Variants in RNASEH2B observed in about 807,000 individuals in gnomAD.
RNASEH2B encodes ribonuclease H2 subunit B, also known as Aicardi-Goutieres syndrome 2 protein.
RNASEH2B carries 36 observed loss-of-function variants against 45.0 expected under a neutral mutation model. The ratio of observed to expected loss-of-function variants is 0.80; its 90% CI spans 0.61 to 1.06. The LOEUF (loss-of-function observed/expected upper bound fraction) is 1.06, where lower values mean the gene tolerates loss of function less well. Ranked by LOEUF, RNASEH2B falls within the 50% of genes least tolerant of loss-of-function variation. The pLI, the probability that RNASEH2B is intolerant of heterozygous loss-of-function variation, is 0.00. For synonymous variants in RNASEH2B, 119 were observed against 125.7 expected (o/e 0.95, Z 0.35); for missense variants, 361 against 360.3 (o/e 1.00, Z -0.02).
At chr13:50,954,972 T>C (rs1234744316) in intron 10 of RNASEH2B, 1 of 152,226 alleles carries the variant, frequency 6.6e-6, no homozygotes, top group African/African-American at 2.4e-5. Context: ...TTCCTGTCGC[T>C]TGCCTGTTTT....
chr13:50,931,555 TAACTAGA>T (rs1318239994), intron 4 of RNASEH2B, among the ~76,000 whole-genome samples: 1 of 152,250 alleles, frequency 6.6e-6, no homozygotes, highest in Non-Finnish European at 1.5e-5. Context: ...GTGTTTGGCT[TAACTAGA>T]AGACAACTGG....
At chr13:50,917,260 C>T (rs540290621) in intron 1 of RNASEH2B, among the ~76,000 whole-genome samples, 2 of 152,210 alleles carry the variant, frequency 1.3e-5, no homozygotes, top group African/African-American at 4.8e-5. Flanking sequence ...AGCAGAGGAA[C>T]TAGCTACCAC....
At chr13:50,916,740 G>A (rs1879766562) in intron 1 of RNASEH2B, among the ~76,000 whole-genome samples, 1 of 152,216 alleles carries the variant, frequency 6.6e-6, no homozygotes, top group South Asian at 2.1e-4. Context: ...AATAGCCTGT[G>A]AGTCTGCCTT....
intron 6 of RNASEH2B, among the ~76,000 whole-genome samples, chr13:50,944,064 C>T (rs370292126): frequency 3.5e-4 from 42 of 121,296 alleles, no homozygotes; most frequent in Non-Finnish European, 4.8e-4. Flanking sequence ...TGGGATGGGA[C>T]GGGATGGGAT....
chr13:50,910,322 A>C, intron 1 of RNASEH2B, 182 bp downstream of exon 1: 3 of 417,754 alleles, frequency 7.2e-6, no homozygotes, highest in East Asian at 7.7e-5. Context: ...CGGTTTTCAA[A>C]CCCGGAAGCG....
exon 10 of RNASEH2B, chr13:50,970,137 T>C (rs1273374663): frequency 1.4e-6 from 1 of 691,608 alleles, no homozygotes. Context: ...CTAGTCTATG[T>C]GGGCAGCGGC....
At chr13:50,949,341 A>C in intron 8 of RNASEH2B, 122 bp from the exon 9 acceptor site, 4 of 795,860 alleles carry the variant, frequency 5.0e-6, no homozygotes, top group Non-Finnish European at 8.9e-6. Context: ...GAACAGGAAG[A>C]TATATGGAGG....
intron 1 of RNASEH2B, chr13:50,921,321 A>C (rs1010021495): frequency 6.6e-6 from 1 of 152,192 alleles, no homozygotes; most frequent in Non-Finnish European, 1.5e-5. Flanking sequence ...AGAAATAGAC[A>C]TAAGTTAAAA....
chr13:50,919,288 T>C (rs1474586347), intron 1 of RNASEH2B, among the ~76,000 whole-genome samples: 1 of 152,254 alleles, frequency 6.6e-6, no homozygotes, highest in African/African-American at 2.4e-5. Flanking sequence ...TGTACCATTT[T>C]GGCTTGTACA....
intron 1 of RNASEH2B, among the ~76,000 whole-genome samples, chr13:50,923,267 A>G (rs1398755822): frequency 1.3e-5 from 2 of 152,188 alleles, no homozygotes; most frequent in Non-Finnish European, 2.9e-5. Context: ...ATATTTGAAG[A>G]AATAATAGCC....
intron 5 of RNASEH2B, among the ~76,000 whole-genome samples, chr13:50,940,441 A>T (rs1951820205): frequency 6.6e-6 from 1 of 152,240 alleles, no homozygotes; most frequent in Admixed American, 6.5e-5. Flanking sequence ...CTGATCCAGC[A>T]CTAGAAGCTA....
intron 4 of RNASEH2B, chr13:50,934,634 C>T: frequency 2.0e-6 from 1 of 508,204 alleles, no homozygotes; most frequent in South Asian, 2.1e-5. Flanking sequence ...ATTTTCTTCC[C>T]CATTTCATTT....
intron 9 of RNASEH2B, among the ~76,000 whole-genome samples, chr13:50,969,581 G>T (rs927256361): frequency 6.7e-6 from 1 of 149,524 alleles, no homozygotes; most frequent in East Asian, 1.9e-4. Context: ...CGTTACTTTC[G>T]TGCATTTCTT....
exon 10 of RNASEH2B, chr13:50,970,433 GTT>G (rs1480492381): frequency 4.4e-6 from 1 of 225,296 alleles, no homozygotes; most frequent in Admixed American, 5.8e-5. Flanking sequence ...CTCTCCAGGA[GTT>G]ATTAAACATT....
downstream of RNASEH2B, among the ~76,000 whole-genome samples, chr13:50,958,494 C>G (rs973223932): frequency 2.0e-5 from 3 of 152,056 alleles, no homozygotes; most frequent in Non-Finnish European, 4.4e-5. Context: ...ATTACTGTAG[C>G]CTTGTAGTAT....
At chr13:50,928,002 T>A (rs910154361) in intron 2 of RNASEH2B, among the ~76,000 whole-genome samples, 1 of 151,920 alleles carries the variant, frequency 6.6e-6, no homozygotes, top group African/African-American at 2.4e-5. Context: ...TTTTTTTTTT[T>A]AAATGATAAG....
At chr13:50,929,103 G>A (rs947874454) in intron 2 of RNASEH2B, among the ~76,000 whole-genome samples, 5 of 152,174 alleles carry the variant, frequency 3.3e-5, no homozygotes, top group Admixed American at 1.3e-4. Flanking sequence ...GCCACACACT[G>A]CCCAGAGGCA....
Position 50,929,522 on chromosome 13 carries a change from G to A in RNASEH2B, c.184G>A (p.Glu62Lys), listed in dbSNP as rs2137933016. Residue 62 changes from glutamate (E) to lysine (K), a missense_variant, in exon 3 of 11, where the codon GAA (glutamate) becomes AAA (lysine). Glu to Lys is a moderately conservative substitution (Grantham distance 56). Coordinates refer to ENST00000336617, the MANE Select transcript of RNASEH2B (RefSeq NM_024570.4). Reference protein sequence around the residue: ...LFNMCLQQLFEVKVFKEKHHS... With the variant: ...LFNMCLQQLFKVKVFKEKHHS... ...CAATATGTGTCTACAGCAGCTGTTT[G>A]AAGTAAAAGTTTTCAAGGAAAAACA... 6.2e-7 allele frequency: 1 copy of A among 1,613,924 alleles called. No homozygotes were observed. Among genetic ancestry groups the A allele is most frequent in the Non-Finnish European group, 8.5e-7 (1 of 1,179,882 alleles).
At chr13:50,928,862 T>A (rs9535532) in intron 2 of RNASEH2B, among the ~76,000 whole-genome samples, 35,685 of 150,400 alleles carry the variant, frequency 0.24, 4,991 homozygotes, top group Non-Finnish European at 0.32. Context: ...AAAAAAAAAA[T>A]TTTTTTTTCA....
Sources: allele counts gnomAD v4.1 joint callset (sites outside exome capture counted in the v4.1 genomes callset), GRCh38; gene constraint gnomAD v4.1.1; transcripts MANE v1.5; gene names NCBI Gene and HGNC (gene_info 2026-07-23, HGNC 2026-07-21).